Variants in MGAM2 observed in about 807,000 individuals in gnomAD.
MGAM2 encodes the protein probable maltase-glucoamylase 2.
In MGAM2, 98 loss-of-function variants were observed where a neutral mutation model predicts 96.1. The observed-to-expected ratio is 1.02, with a 90% CI of 0.87 to 1.21. MGAM2 has a LOEUF of 1.21. MGAM2 is among the 50% of genes most tolerant of loss of function. The probability of loss-of-function intolerance (pLI) is 0.00; values close to 1 mark genes in which losing one functional copy is unlikely to be tolerated. For missense variants in MGAM2, 2,055 were observed against 1,182.4 expected (o/e 1.74, Z -10.82); for synonymous variants, 749 against 414.8 (o/e 1.81, Z -9.79).
chr7:142,134,248 C>T, intron 7 of MGAM2, 96 bp downstream of exon 7: 1 of 604,402 alleles, frequency 1.7e-6, no homozygotes, highest in Non-Finnish European at 3.0e-6. Flanking sequence ...TTTTACTTTG[C>T]TCACTTTAGA....
chr7:142,158,669 G>T (rs1795805857), intron 19 of MGAM2, among the ~76,000 whole-genome samples: 1 of 152,142 alleles, frequency 6.6e-6, no homozygotes, highest in Admixed American at 6.5e-5. Flanking sequence ...TGTGCTCTTG[G>T]ATTGGGTTAG....
chr7:142,169,233 C>A (rs1563272617), intron 26 of MGAM2, among the ~76,000 whole-genome samples: 1 of 152,002 alleles, frequency 6.6e-6, no homozygotes, highest in Non-Finnish European at 1.5e-5. Flanking sequence ...ACCATCCTGG[C>A]CAACATGGTA....
At chr7:142,154,677 A>G (rs1795682600) in intron 16 of MGAM2, 52 bp from the exon 17 acceptor site, 7 of 696,804 alleles carry the variant, frequency 1.0e-5, no homozygotes, top group African/African-American at 1.8e-5. Context: ...TCTTCACTAC[A>G]TGCTTTCGCC....
In MGAM2 at chr7:142,208,618, C is replaced by T; in HGVS notation, c.5183C>T (p.Ala1728Val). Residue 1728 changes from alanine to valine, a missense_variant, in exon 46 of 48, where the codon GCT (alanine) becomes GTT (valine). Ala to Val is a moderately conservative substitution (Grantham distance 64). Coordinates refer to ENST00000477922, the MANE Select transcript of MGAM2 (RefSeq NM_001293626.2). ...TATTTTTTGGCAAACTTTATAGCAG[C>T]TCAGGTAAGACTAATTTACTACATT... ...GNYFLANFIA[A>V]QNILQIQTIH... is the part of the protein sequence containing the mutation. 1.4e-6 allele frequency: 1 copy of T among 702,778 alleles called. No homozygotes were observed. The highest frequency in any genetic ancestry group is 2.6e-6 in the Non-Finnish European group (1 of 384,896). 43.5% of individuals were successfully genotyped at this position (702,778 alleles called of 1,614,324 possible).
rs1201350543 is a variant in MGAM2 at position 142,171,399 on chromosome 7, T to G, written c.3310T>G (p.Trp1104Gly). 1 of 703,204 alleles carries G rather than the reference T, an allele frequency of 1.4e-6. No individual in the cohort carries two copies. Among genetic ancestry groups the G allele is most frequent in the Non-Finnish European group, 2.6e-6 (1 of 384,908 alleles). 43.6% of individuals were successfully genotyped at this position (703,204 alleles called of 1,614,324 possible). A position where few individuals can be genotyped will look rare whatever the true frequency, so the allele number is the denominator to read the frequency against. ...CACGACTTTCAGAAGAAACATGAAC[T>G]GGAACACATGGGGAATGTTTGCTCA... is the stretch of plus-strand genomic sequence containing the variant. ...EHTTFRRNMN[W>G]NTWGMFAHDE... Residue 1104 changes from tryptophan to glycine, a missense_variant, in exon 28 of 48, where the codon TGG becomes GGG. Trp to Gly is a radical substitution (Grantham distance 184). Transcript: ENST00000477922.
At chr7:142,190,675 T>C (rs905924113) in intron 37 of MGAM2, among the ~76,000 whole-genome samples, 4 of 152,206 alleles carry the variant, frequency 2.6e-5, no homozygotes, top group African/African-American at 7.2e-5. Flanking sequence ...TTTTAAATTA[T>C]AGACATTCTA....
chr7:142,167,121 G>T (rs563214949), intron 25 of MGAM2, 147 bp from the exon 26 acceptor site: 2 of 572,522 alleles, frequency 3.5e-6, no homozygotes, highest in South Asian at 4.9e-5. Flanking sequence ...CAGGGGTTAG[G>T]ACTTAACATC....
chr7:142,147,200 A>G (rs1246147271), intron 14 of MGAM2, among the ~76,000 whole-genome samples: 1 of 152,196 alleles, frequency 6.6e-6, no homozygotes, highest in Non-Finnish European at 1.5e-5. Flanking sequence ...CATGTTTCTC[A>G]GTTGCCTCCC....
chr7:142,145,885 T>C (rs1425026632), intron 14 of MGAM2, among the ~76,000 whole-genome samples: 1 of 152,182 alleles, frequency 6.6e-6, no homozygotes, highest in Non-Finnish European at 1.5e-5. Context: ...TCTTCTTATA[T>C]TTCCAGAAAG....
At chr7:142,117,392 A>T (rs1007708755) in intron 2 of MGAM2, among the ~76,000 whole-genome samples, 13 of 152,200 alleles carry the variant, frequency 8.5e-5, no homozygotes, top group Non-Finnish European at 1.3e-4. Context: ...TTATACCAAC[A>T]TACATAGCTA....
In MGAM2 at chr7:142,149,783, C is replaced by T. The variant is rs1348651029; in HGVS notation, c.1634+2210C>T. ...GTCTCCATCTCCTGACCTCATGATTCACCCGCCTTGGCCTCCCAAAGTGCT... is the reference window on the plus strand; with the variant it reads ...GTCTCCATCTCCTGACCTCATGATTTACCCGCCTTGGCCTCCCAAAGTGCT... On this transcript the variant is annotated intron_variant, in intron 15 of 47. Transcript: ENST00000477922. Among the ~76,000 whole-genome samples the T allele has an allele frequency of 5.3e-5, 8 of 152,094 alleles. No homozygotes were observed. The East Asian group carries it at 1.6e-3, about 30-fold the overall frequency.
chr7:142,132,921 T>C (rs1440169939), intron 6 of MGAM2, among the ~76,000 whole-genome samples: 1 of 131,082 alleles, frequency 7.6e-6, no homozygotes, highest in Non-Finnish European at 1.5e-5. Flanking sequence ...AAATATGTCA[T>C]ATTTATACGT....
intron 34 of MGAM2, among the ~76,000 whole-genome samples, chr7:142,185,408 T>C (rs1033382009): frequency 6.6e-6 from 1 of 152,196 alleles, no homozygotes; most frequent in African/African-American, 2.4e-5. Flanking sequence ...TTATGACGCT[T>C]GAAAAATAAT....
chr7:142,196,030 C>A, intron 37 of MGAM2, 124 bp from the exon 38 acceptor site: 2 of 660,236 alleles, frequency 3.0e-6, no homozygotes, highest in South Asian at 1.7e-5. Context: ...ACAGCAGATT[C>A]TTTCAGGGAA....
intron 15 of MGAM2, among the ~76,000 whole-genome samples, chr7:142,150,505 C>G (rs7780248): frequency 1.3e-5 from 2 of 151,858 alleles, no homozygotes; most frequent in Admixed American, 6.6e-5. Context: ...CCCTTATCTC[C>G]CAGTAACCTA....
At chr7:142,182,977 C>G (rs1277924673) in intron 32 of MGAM2, among the ~76,000 whole-genome samples, 1 of 152,080 alleles carries the variant, frequency 6.6e-6, no homozygotes, top group African/African-American at 2.4e-5. Context: ...TATAGAAAGG[C>G]TCCTTCATTT....
intron 19 of MGAM2, among the ~76,000 whole-genome samples, chr7:142,159,076 G>A (rs992109589): frequency 6.6e-5 from 10 of 152,184 alleles, no homozygotes; most frequent in African/African-American, 1.9e-4. Flanking sequence ...AGAAAGTGCA[G>A]CAGCATTGAG....
At chr7:142,209,469 C>T (rs2129104911) in intron 46 of MGAM2, among the ~76,000 whole-genome samples, 1 of 152,260 alleles carries the variant, frequency 6.6e-6, no homozygotes. Flanking sequence ...TAAATGATCC[C>T]ATTGGTAATC....
chr7:142,116,933 G>A lies in MGAM2; in HGVS notation c.60G>A (p.Val20=). ...TGATCATCTTCTGCTTAATTGTGGT[G>A]ACCATAGATATCCTCTTGCTGCTTC... The part of the protein sequence containing the change: ...VLLIIFCLIV[V]TIDILLLLLV... The change falls in exon 2 of 48, where the codon GTG becomes GTA. Residue 20 remains valine, a synonymous_variant. Coordinates refer to ENST00000477922, the MANE Select transcript of MGAM2 (RefSeq NM_001293626.2). 4.3e-6 allele frequency: 3 copies of A among 703,382 alleles called. No homozygotes were observed. The highest frequency in any genetic ancestry group is 5.2e-6 in the Non-Finnish European group (2 of 385,054). The allele number at this position is 703,382 out of a possible 1,614,324, so 43.6% of individuals were successfully genotyped here. A position where few individuals can be genotyped will look rare whatever the true frequency, so the allele number is the denominator to read the frequency against.
Sources: allele counts gnomAD v4.1 joint callset (sites outside exome capture counted in the v4.1 genomes callset), GRCh38; gene constraint gnomAD v4.1.1; transcripts MANE v1.5; gene names NCBI Gene and HGNC (gene_info 2026-07-23, HGNC 2026-07-21).